SYCP1: variants seen among roughly 807,000 people sequenced by gnomAD.
SYCP1 encodes synaptonemal complex protein 1.
Under a neutral mutation model 153.1 loss-of-function variants are expected in SYCP1, and 64 were observed. The observed-to-expected ratio is 0.42, with a 90% CI of 0.34 to 0.51. The LOEUF (loss-of-function observed/expected upper bound fraction) is 0.51. SYCP1 is among the 20% of genes least tolerant of loss of function. The probability of loss-of-function intolerance (pLI) is 0.06; values close to 1 mark genes in which losing one functional copy is unlikely to be tolerated. For missense variants in SYCP1, 997 were observed against 1,049.0 expected, an observed-to-expected ratio of 0.95 and a Z score of 0.68; for synonymous variants, 384 against 341.8, an observed-to-expected ratio of 1.12 and a Z score of -1.36.
intron 30 of SYCP1, among the ~76,000 whole-genome samples, chr1:114,990,963 C>A (rs1673875527): frequency 6.6e-6 from 1 of 152,050 alleles, no homozygotes; most frequent in East Asian, 1.9e-4. Flanking sequence ...AAGTGCCATG[C>A]ACCTTCCCCC....
chr1:114,917,914 A>AT (rs953809457), intron 20 of SYCP1, among the ~76,000 whole-genome samples: 6 of 148,656 alleles, frequency 4.0e-5, no homozygotes, highest in South Asian at 2.1e-4. Context: ...GTTTACAAAT[A>AT]TTTTTTCCCA....
chr1:114,944,987 T>A lies in SYCP1; in HGVS notation c.2154+5T>A. 1 of 1,553,428 alleles carries A rather than the reference T, an allele frequency of 6.4e-7. No individual in the cohort carries two copies. Among genetic ancestry groups the A allele is most frequent in the South Asian group, 1.2e-5 (1 of 81,782 alleles). ...GCACTTATGGAAAAACATAAGGTAA[T>A]TTTTTTCTTCTTATATAATGAAAAT... is the stretch of plus-strand genomic sequence containing the variant. On this transcript the variant is annotated splice_donor_5th_base_variant and intron_variant, in intron 25 of 31. Transcript: ENST00000369522.
chr1:114,867,707 AAGT>A (rs1399777324), intron 8 of SYCP1, among the ~76,000 whole-genome samples: 1 of 151,990 alleles, frequency 6.6e-6, no homozygotes, highest in Non-Finnish European at 1.5e-5. Context: ...TCTGTGAATA[AAGT>A]AGTTTTTATT....
upstream of SYCP1, among the ~76,000 whole-genome samples, chr1:114,854,259 T>A (rs1557744221): frequency 6.6e-6 from 1 of 152,104 alleles, no homozygotes; most frequent in Non-Finnish European, 1.5e-5. Flanking sequence ...TCTTCCCGCC[T>A]CAGCCTTTTA....
chr1:114,957,344 G>T lies in SYCP1; in HGVS notation c.2322+10024G>T, dbSNP rs566057972. On this transcript the variant is annotated intron_variant, in intron 27 of 31. Coordinates refer to ENST00000369522, the MANE Select transcript of SYCP1 (RefSeq NM_003176.4). ...ACCTGAAACTATGAAATTACTGAAA[G>T]AAAACACTGGGTAAATGCTACAGGG... Among the ~76,000 whole-genome samples, 3 of 152,258 alleles carry T rather than the reference G, an allele frequency of 2.0e-5. No homozygotes were observed. In the East Asian group the frequency reaches 5.8e-4, roughly 29 times the overall value.
chr1:114,972,331 C>T (rs985035884), intron 27 of SYCP1, among the ~76,000 whole-genome samples: 3 of 151,502 alleles, frequency 2.0e-5, no homozygotes, highest in Admixed American at 6.6e-5. Flanking sequence ...GCCTGGCTAA[C>T]GGTTTGTCAT....
chr1:114,969,874 C>T (rs1378289765), intron 27 of SYCP1, among the ~76,000 whole-genome samples: 1 of 152,182 alleles, frequency 6.6e-6, no homozygotes, highest in Non-Finnish European at 1.5e-5. Flanking sequence ...CACAGTTCCT[C>T]ATGGCTTCCC....
At chr1:114,856,926 A>G (rs996447508) in intron 3 of SYCP1, among the ~76,000 whole-genome samples, 1 of 145,856 alleles carries the variant, frequency 6.9e-6, no homozygotes, top group South Asian at 2.2e-4. Context: ...CTGTACAAAA[A>G]AAAAAAAAAA....
intron 27 of SYCP1, among the ~76,000 whole-genome samples, chr1:114,962,631 A>G (rs889034240): frequency 5.3e-5 from 8 of 152,126 alleles, no homozygotes; most frequent in Non-Finnish European, 1.0e-4. Flanking sequence ...GCCATTCTGT[A>G]TCTTTTAAGT....
At chr1:114,904,307 G>C (rs1356294683) in intron 16 of SYCP1, among the ~76,000 whole-genome samples, 2 of 151,778 alleles carry the variant, frequency 1.3e-5, no homozygotes, top group Non-Finnish European at 1.5e-5. Flanking sequence ...TAGTAGAGAT[G>C]GGGTTTCACC....
intron 23 of SYCP1, among the ~76,000 whole-genome samples, chr1:114,941,244 T>C (rs1670368676): frequency 6.6e-6 from 1 of 152,204 alleles, no homozygotes; most frequent in Non-Finnish European, 1.5e-5. Flanking sequence ...CAAACCCATG[T>C]TGTTCAAAGT....
Position 114,994,787 on chromosome 1 carries a change from G to T in SYCP1, c.2793G>T (p.Lys931Asn), listed in dbSNP as rs369829331. The T allele has an allele frequency of 1.3e-6, 2 of 1,585,330 alleles. No homozygotes were observed. Among genetic ancestry groups the T allele is most frequent in the African/African-American group, 2.7e-5 (2 of 72,746 alleles). The change falls in exon 31 of 32, where the codon AAG becomes AAT. Residue 931 changes from lysine (K) to asparagine (N), a missense_variant and splice_region_variant. Around this residue, in one of 2 missense-constraint regions of SYCP1, gnomAD observed 712 missense variants for 682.9 expected, o/e 1.04. Transcript: ENST00000369522. The stretch of plus-strand genomic sequence containing the variant: ...ATCTTTGTGTCAAAACACCAAAAAA[G>T]GTAGCTTTTAAATTTTATTTCAGAA... ...ASHLCVKTPK[K>N]APSSLTTPGS...
intron 20 of SYCP1, among the ~76,000 whole-genome samples, chr1:114,921,485 C>A (rs1668871652): frequency 6.6e-6 from 1 of 151,828 alleles, no homozygotes; most frequent in African/African-American, 2.4e-5. Flanking sequence ...TTGAGACCAG[C>A]CAGGCCAACA....
chr1:114,952,902 C>T (rs1671199024), intron 27 of SYCP1, among the ~76,000 whole-genome samples: 1 of 152,064 alleles, frequency 6.6e-6, no homozygotes, highest in Non-Finnish European at 1.5e-5. Context: ...ATACTTGAGA[C>T]TGGGTAATTT....
intron 16 of SYCP1, among the ~76,000 whole-genome samples, chr1:114,899,884 A>G (rs370609308): frequency 1.3e-5 from 2 of 152,242 alleles, no homozygotes; most frequent in African/African-American, 4.8e-5. Context: ...GCCTGGCGTC[A>G]GGAAAGGCAA....
intron 8 of SYCP1, among the ~76,000 whole-genome samples, chr1:114,866,613 C>T (rs2101365255): frequency 6.6e-6 from 1 of 152,120 alleles, no homozygotes; most frequent in Non-Finnish European, 1.5e-5. Context: ...AGAAAACAGT[C>T]CTTTATCAGA....
At chr1:114,913,447 G>A (rs1456942628) in intron 19 of SYCP1, among the ~76,000 whole-genome samples, 1 of 151,926 alleles carries the variant, frequency 6.6e-6, no homozygotes, top group East Asian at 1.9e-4. Context: ...AGATTGTGGA[G>A]GATACAATGA....
At chr1:114,968,423 A>T (rs1239809337) in intron 27 of SYCP1, among the ~76,000 whole-genome samples, 1 of 152,060 alleles carries the variant, frequency 6.6e-6, no homozygotes, top group Non-Finnish European at 1.5e-5. Flanking sequence ...TTATTTCATT[A>T]AGTTGATCTT....
chr1:114,908,181 AT>A (rs201572651), intron 16 of SYCP1, among the ~76,000 whole-genome samples: 70,464 of 140,960 alleles, frequency 0.5, 17,692 homozygotes, highest in Middle Eastern at 0.59. Flanking sequence ...TTCTGGAAGG[AT>A]TTTTTTTTTT....
Sources: gnomAD v4.1 joint callset for allele counts (sites outside exome capture counted in the v4.1 genomes callset) on GRCh38, gnomAD v4.1.1 for gene constraint, gnomAD v4.1.1 regional missense constraint, MANE v1.5 for transcripts, NCBI Gene and HGNC (gene_info 2026-07-23, HGNC 2026-07-21) for gene names.